Variants in KIF25 observed in about 807,000 individuals in gnomAD.
KIF25 encodes kinesin family member 25.
Under a neutral mutation model 32.9 loss-of-function variants are expected in KIF25, and 19 were observed. The ratio of observed to expected loss-of-function variants is 0.58; its 90% CI spans 0.40 to 0.85. The LOEUF is 0.85. KIF25 is among the 40% of genes least tolerant of loss of function. The pLI is 0.00. For synonymous variants in KIF25, 225 were observed against 213.7 expected (o/e 1.05, Z -0.46); for missense variants, 485 against 507.0 (o/e 0.96, Z 0.42).
At chr6:168,030,033 C>A (rs1384927220) in intron 6 of KIF25, among the ~76,000 whole-genome samples, 2 of 152,244 alleles carry the variant, frequency 1.3e-5, no homozygotes, top group African/African-American at 4.8e-5. Flanking sequence ...TTAAAGCATA[C>A]CTGACCAAGT....
At chr6:168,014,720 A>G (rs775850142) in intron 4 of KIF25, among the ~76,000 whole-genome samples, 2 of 152,214 alleles carry the variant, frequency 1.3e-5, no homozygotes, top group Admixed American at 6.5e-5. Flanking sequence ...AATAAAGTCG[A>G]TCTCAGATGG....
chr6:168,027,201 C>T lies in KIF25; in HGVS notation c.-94-2291C>T, dbSNP rs528192778. ...GGGGTGGTGGCTCACGCCTGTAATCCTAGCACTTTGGGAGGCAGAGGCGGG... is the reference window on the plus strand; with the variant it reads ...GGGGTGGTGGCTCACGCCTGTAATCTTAGCACTTTGGGAGGCAGAGGCGGG... On this transcript the variant is annotated intron_variant, in intron 5 of 12. Transcript: ENST00000643607. 2.5e-4 allele frequency among the ~76,000 whole-genome samples: 38 copies of T among 152,218 alleles called. 1 individual carries two copies. In the East Asian group the frequency reaches 7.1e-3, roughly 29 times the overall value.
At chr6:168,039,991 G>T in intron 9 of KIF25, 74 bp from the exon 10 acceptor site, 1 of 1,508,054 alleles carries the variant, frequency 6.6e-7, no homozygotes, top group Non-Finnish European at 8.9e-7. Context: ...TCCCTGAGCC[G>T]AGGAGTCTTG....
rs534121832 is a variant in KIF25, at chr6:168,024,726, C to T, written c.-94-4766C>T. Among the ~76,000 whole-genome samples the T allele has an allele frequency of 3.3e-5, 5 of 151,736 alleles. No homozygotes were observed. The South Asian group carries it at 6.3e-4, about 19-fold the overall frequency. ...ATCTCAGCACCTTGGGAGGCCAAGG[C>T]GGGTGGATCATCTGAGGTCAGGAGT... is the stretch of plus-strand genomic sequence containing the variant. On this transcript the variant is annotated intron_variant, in intron 5 of 12. Transcript: ENST00000643607.
intron 4 of KIF25, among the ~76,000 whole-genome samples, chr6:168,010,020 G>A (rs1329387112): frequency 1.3e-5 from 2 of 151,686 alleles, no homozygotes; most frequent in African/African-American, 4.8e-5. Flanking sequence ...AATTAACTTT[G>A]TTTCATTGAT....
rs142504557 is a variant in KIF25, at chr6:168,042,634, C to T, written c.903C>T (p.Gly301=). The T allele has an allele frequency of 1.1e-3, 1,766 of 1,613,884 alleles. 10 individuals are homozygous for T. In the African/African-American group the frequency reaches 0.013, roughly 12 times the overall value. The change falls in exon 12 of 13, where the codon GGC becomes GGT. Residue 301 remains glycine, a synonymous_variant. Transcript: ENST00000643607. ...GCCGCAGCCTTGCGGCCCTGGCAGG[C>T]GTCCTGGGGGCTTTGTTGGAGCACC... ...CISRSLAALA[G]VLGALLEHRG...
At chr6:168,009,908 C>T (rs529843820) in intron 4 of KIF25, among the ~76,000 whole-genome samples, 30 of 151,738 alleles carry the variant, frequency 2.0e-4, no homozygotes, top group African/African-American at 5.8e-4. Context: ...TTGTGGTAGC[C>T]GTTGTGATAT....
chr6:168,014,240 T>C (rs1418848329), intron 4 of KIF25, among the ~76,000 whole-genome samples: 1 of 152,138 alleles, frequency 6.6e-6, no homozygotes, highest in African/African-American at 2.4e-5. Flanking sequence ...AGTGAGGAAA[T>C]GCATCCTGAG....
intron 2 of KIF25, among the ~76,000 whole-genome samples, chr6:168,000,910 A>C (rs2636349): frequency 0.26 from 40,122 of 152,206 alleles, 5,969 homozygotes; most frequent in Non-Finnish European, 0.36. Context: ...CAGTGTTTGC[A>C]TCCTGCAGTT....
chr6:168,039,479 G>T (rs1562391886), intron 9 of KIF25, among the ~76,000 whole-genome samples: 1 of 152,238 alleles, frequency 6.6e-6, no homozygotes, highest in Non-Finnish European at 1.5e-5. Context: ...ATGAGTGAGG[G>T]CCCAGTCAGG....
At chr6:168,029,372 A>T in intron 5 of KIF25, 120 bp from the exon 6 acceptor site, 1 of 660,458 alleles carries the variant, frequency 1.5e-6, no homozygotes, top group Non-Finnish European at 2.4e-6. Flanking sequence ...AAGTAACTTA[A>T]CTAGACAATT....
At chr6:168,006,351 T>C (rs1213089838) in intron 4 of KIF25, among the ~76,000 whole-genome samples, 1 of 152,144 alleles carries the variant, frequency 6.6e-6, no homozygotes, top group Admixed American at 6.5e-5. Context: ...AAATTGTGCT[T>C]TAAAAGTGTT....
At chr6:168,024,654 G>C (rs865947508) in intron 5 of KIF25, among the ~76,000 whole-genome samples, 7 of 152,010 alleles carry the variant, frequency 4.6e-5, no homozygotes, top group South Asian at 2.1e-4. Context: ...GCCAAGGATG[G>C]AGAAGAAAGG....
intron 4 of KIF25, among the ~76,000 whole-genome samples, chr6:168,016,955 G>A (rs1378365902): frequency 2.0e-5 from 3 of 152,226 alleles, no homozygotes; most frequent in African/African-American, 7.2e-5. Flanking sequence ...GAGACACGCC[G>A]GGGATTCCCA....
intron 12 of KIF25, among the ~76,000 whole-genome samples, chr6:168,044,411 G>A (rs1312306224): frequency 2.0e-5 from 2 of 99,544 alleles, no homozygotes; most frequent in African/African-American, 3.7e-5. Context: ...TGACCCTCCC[G>A]GACCCGGGTG....
At chr6:168,027,926 C>A (rs561590605) in intron 5 of KIF25, among the ~76,000 whole-genome samples, 1 of 152,298 alleles carries the variant, frequency 6.6e-6, no homozygotes, top group Non-Finnish European at 1.5e-5. Flanking sequence ...AATATTTAAG[C>A]CGCCGCTACT....
chr6:168,012,110 T>G (rs1335658742), intron 4 of KIF25, among the ~76,000 whole-genome samples: 1 of 152,224 alleles, frequency 6.6e-6, no homozygotes, highest in Non-Finnish European at 1.5e-5. Context: ...TTCATTGAAT[T>G]GTCTGTATTT....
rs75561343 is a variant in KIF25, at chr6:168,035,719, G to A, written c.317+1688G>A. The stretch of plus-strand genomic sequence containing the variant: ...TTTCCGTTTTGCTGTTCTGAGTCTC[G>A]GGTGCTGTGCGTCTCCCTCCAGGGC... On this transcript the variant is annotated intron_variant, in intron 8 of 12. Transcript: ENST00000643607. The A allele has an allele frequency of 2.2e-3, 989 of 456,058 alleles. 7 individuals are homozygous for A. Among genetic ancestry groups the A allele is most frequent in the African/African-American group, 0.018 (908 of 50,134 alleles). 28.3% of individuals were successfully genotyped at this position (456,058 alleles called of 1,614,324 possible). A position where few individuals can be genotyped will look rare whatever the true frequency, so the allele number is the denominator to read the frequency against.
At chr6:168,044,805 A>G (rs775816702) in intron 12 of KIF25, 22 bp from the exon 13 acceptor site, 2 of 1,563,008 alleles carry the variant, frequency 1.3e-6, no homozygotes, top group African/African-American at 1.4e-5. Flanking sequence ...TCCAGCTTGC[A>G]TGTTGTTTTT....
Sources: gnomAD v4.1 joint callset for allele counts (sites outside exome capture counted in the v4.1 genomes callset) on GRCh38, gnomAD v4.1.1 for gene constraint, MANE v1.5 for transcripts, NCBI Gene and HGNC (gene_info 2026-07-23, HGNC 2026-07-21) for gene names.